The following PRKG1 variants were observed in gnomAD, a reference collection of about 807,000 sequenced individuals.
The protein encoded by PRKG1 is cGMP-dependent protein kinase 1.
PRKG1 carries 35 observed loss-of-function variants against 88.1 expected under a neutral mutation model. The observed-to-expected ratio is 0.40, with a 90% CI of 0.30 to 0.53. The LOEUF (loss-of-function observed/expected upper bound fraction) is 0.53. Ranked by LOEUF, PRKG1 falls within the 20% of genes least tolerant of loss-of-function variation. The pLI, the probability that PRKG1 is intolerant of heterozygous loss-of-function variation, is 0.59. For synonymous variants in PRKG1, 303 were observed against 292.5 expected (o/e 1.04, Z -0.37); for missense variants, 540 against 839.8 (o/e 0.64, Z 4.41).
chr10:51,237,435 G>A (rs372560577), intron 2 of PRKG1, among the ~76,000 whole-genome samples: 3 of 152,138 alleles, frequency 2.0e-5, no homozygotes, highest in African/African-American at 7.2e-5. Context: ...AGTGGGATCT[G>A]TCATTTAGGA....
At chr10:51,115,899 G>T (rs76498227) in intron 1 of PRKG1, among the ~76,000 whole-genome samples, 2 of 151,498 alleles carry the variant, frequency 1.3e-5, no homozygotes, top group Non-Finnish European at 2.9e-5. Flanking sequence ...AATTGTCATA[G>T]TGCAAACATA....
intron 5 of PRKG1, among the ~76,000 whole-genome samples, chr10:52,029,312 CTTCTT>C (rs952867660): frequency 3.9e-5 from 6 of 152,082 alleles, no homozygotes; most frequent in African/African-American, 1.4e-4. Context: ...TCTTGTTTGA[CTTCTT>C]TTTTGGATTC....
intron 5 of PRKG1, among the ~76,000 whole-genome samples, chr10:52,040,909 T>C (rs1266833844): frequency 7.1e-6 from 1 of 140,808 alleles, no homozygotes; most frequent in African/African-American, 2.6e-5. Flanking sequence ...TGATCTTGGC[T>C]CACTGCAACC....
chr10:51,288,025 G>A (rs1405308465), intron 2 of PRKG1, among the ~76,000 whole-genome samples: 2 of 151,914 alleles, frequency 1.3e-5, no homozygotes, highest in African/African-American at 4.8e-5. Flanking sequence ...AATAGCATGT[G>A]TTGATTTGTT....
At chr10:52,189,687 AG>A (rs1839315694) in intron 9 of PRKG1, among the ~76,000 whole-genome samples, 4 of 152,188 alleles carry the variant, frequency 2.6e-5, no homozygotes, top group Non-Finnish European at 5.9e-5. Context: ...GATGCCAAAA[AG>A]GTTGGGGACT....
chr10:51,668,971 A>T (rs1840489611), intron 3 of PRKG1, among the ~76,000 whole-genome samples: 1 of 152,134 alleles, frequency 6.6e-6, no homozygotes, highest in Non-Finnish European at 1.5e-5. Flanking sequence ...ATATCAGGAG[A>T]TATTACTTTC....
intron 12 of PRKG1, among the ~76,000 whole-genome samples, chr10:52,274,273 C>A (rs1276946282): frequency 6.7e-6 from 1 of 148,422 alleles, no homozygotes; most frequent in Non-Finnish European, 1.5e-5. Context: ...TCCCTCACCC[C>A]CCTCCGACTC....
chr10:52,062,659 T>G, intron 7 of PRKG1, 28 bp downstream of exon 7: 1 of 1,513,348 alleles, frequency 6.6e-7, no homozygotes, highest in Non-Finnish European at 9.1e-7. Context: ...TATACAGGTT[T>G]TTGTTTGAGT....
intron 3 of PRKG1, among the ~76,000 whole-genome samples, chr10:51,637,775 G>T (rs563066997): frequency 6.6e-6 from 1 of 152,158 alleles, no homozygotes; most frequent in Non-Finnish European, 1.5e-5. Context: ...TTGGGCAGGG[G>T]GTGGAAGGAG....
chr10:52,283,396 G>A (rs1302354139), intron 14 of PRKG1, among the ~76,000 whole-genome samples: 1 of 152,040 alleles, frequency 6.6e-6, no homozygotes, highest in Non-Finnish European at 1.5e-5. Flanking sequence ...GAGGAAGACT[G>A]AGGACTTTGA....
chr10:51,412,083 A>G (rs1838102822), intron 2 of PRKG1, among the ~76,000 whole-genome samples: 1 of 152,036 alleles, frequency 6.6e-6, no homozygotes, highest in African/African-American at 2.4e-5. Context: ...ATCTTTCATC[A>G]CATTATGAAA....
At chr10:52,274,554 C>CAT (rs142353961) in intron 12 of PRKG1, among the ~76,000 whole-genome samples, 20 of 149,600 alleles carry the variant, frequency 1.3e-4, no homozygotes, top group Admixed American at 3.3e-4. Context: ...CACATGCCAT[C>CAT]ATATATATAT....
chr10:52,086,760 GTC>G (rs775741865), intron 7 of PRKG1, among the ~76,000 whole-genome samples: 4 of 152,040 alleles, frequency 2.6e-5, no homozygotes, highest in Non-Finnish European at 4.4e-5. Context: ...CAGTGTATTA[GTC>G]TGTTCTCACA....
chr10:51,961,611 A>G (rs1387697908), intron 5 of PRKG1, among the ~76,000 whole-genome samples: 1 of 152,186 alleles, frequency 6.6e-6, no homozygotes, highest in Non-Finnish European at 1.5e-5. Context: ...TCCCTCTTCT[A>G]TGCTCTTTGA....
intron 10 of PRKG1, among the ~76,000 whole-genome samples, chr10:52,257,738 T>A (rs1022948188): frequency 2.1e-5 from 3 of 139,852 alleles, no homozygotes; most frequent in Non-Finnish European, 4.8e-5. Flanking sequence ...GTTATGTTTA[T>A]TCTTCAAAAG....
rs977201517 is a variant in PRKG1, at chr10:51,983,505, C to A, written c.763-70979C>A. ...ATGCTGGGGCCCCAGGAGAGGACAG[C>A]AGACCAAGGGGTGCTTAGACTGGAC... On this transcript the variant is annotated intron_variant, in intron 5 of 17. Transcript: ENST00000373980. Among the ~76,000 whole-genome samples, 4 of 152,278 alleles carry A rather than the reference C, an allele frequency of 2.6e-5. No homozygotes were observed. The East Asian group carries it at 7.7e-4, about 29-fold the overall frequency.
chr10:51,370,930 G>A (rs1415529699), intron 2 of PRKG1, among the ~76,000 whole-genome samples: 10 of 152,090 alleles, frequency 6.6e-5, no homozygotes, highest in Admixed American at 5.9e-4. Flanking sequence ...CTACAGTTTG[G>A]CATTTGAGAT....
At chr10:51,639,376 G>A (rs1355130087) in intron 3 of PRKG1, among the ~76,000 whole-genome samples, 1 of 143,842 alleles carries the variant, frequency 7.0e-6, no homozygotes, top group Non-Finnish European at 1.5e-5. Context: ...CGAGCTTGCA[G>A]TGAGCCGAGA....
chr10:51,805,263 T>C (rs1348978185), intron 4 of PRKG1, among the ~76,000 whole-genome samples: 1 of 152,020 alleles, frequency 6.6e-6, no homozygotes, highest in African/African-American at 2.4e-5. Flanking sequence ...AGCTTTTCTT[T>C]CGTTTATATT....
Sources: gnomAD v4.1 joint callset for allele counts (sites outside exome capture counted in the v4.1 genomes callset) on GRCh38, gnomAD v4.1.1 for gene constraint, MANE v1.5 for transcripts, NCBI Gene and HGNC (gene_info 2026-07-23, HGNC 2026-07-21) for gene names.